The following PHLPP1 variants were observed in gnomAD, a reference collection of about 807,000 sequenced individuals.
PHLPP1 encodes the protein PH domain leucine-rich repeat-containing protein phosphatase 1.
In PHLPP1, 42 loss-of-function variants were observed where a neutral mutation model predicts 117.2. The ratio of observed to expected loss-of-function variants is 0.36; its 90% CI spans 0.28 to 0.46. PHLPP1 has a LOEUF of 0.46. PHLPP1 is among the 20% of genes least tolerant of loss of function. The pLI, the probability that PHLPP1 is intolerant of heterozygous loss-of-function variation, is 1.00. For synonymous variants in PHLPP1, 1,042 were observed against 970.7 expected (o/e 1.07, Z -1.37); for missense variants, 2,084 against 2,241.9 (o/e 0.93, Z 1.42).
intron 8 of PHLPP1, among the ~76,000 whole-genome samples, chr18:62,905,819 A>G (rs1420827503): frequency 1.3e-5 from 2 of 152,188 alleles, no homozygotes; most frequent in Middle Eastern, 3.2e-3. Context: ...TCCTTTTTGA[A>G]TATGCTAACT....
chr18:62,740,486 A>G (rs1449837533), intron 1 of PHLPP1, among the ~76,000 whole-genome samples: 1 of 152,248 alleles, frequency 6.6e-6, no homozygotes, highest in Non-Finnish European at 1.5e-5. Flanking sequence ...ATATGTAGAT[A>G]TAAACCAGAT....
intron 1 of PHLPP1, among the ~76,000 whole-genome samples, chr18:62,743,917 G>C (rs1420679503): frequency 6.6e-6 from 1 of 152,040 alleles, no homozygotes; most frequent in African/African-American, 2.4e-5. Context: ...ATGTTGATAG[G>C]CTTTTTAATT....
At chr18:62,855,998 A>G (rs973753880) in intron 3 of PHLPP1, among the ~76,000 whole-genome samples, 1 of 152,182 alleles carries the variant, frequency 6.6e-6, no homozygotes, top group Non-Finnish European at 1.5e-5. Context: ...GGAGCTTACA[A>G]TCTAGAGACA....
In PHLPP1 at chr18:62,793,446, T is replaced by G. The variant is rs138146632; in HGVS notation, c.1577-36589T>G. Among the ~76,000 whole-genome samples the G allele has an allele frequency of 1.4e-4, 21 of 152,364 alleles. 2 individuals carry two copies. In the East Asian group the frequency reaches 3.9e-3, roughly 28 times the overall value. On this transcript the variant is annotated intron_variant, in intron 1 of 16. Transcript: ENST00000262719. ...GCCAGATTTACCTGTTGATGGAACT[T>G]GATCTACTTATAGTTTAGCGCTGGC...
At chr18:62,863,845 A>G (rs988157103) in intron 4 of PHLPP1, among the ~76,000 whole-genome samples, 15 of 151,940 alleles carry the variant, frequency 9.9e-5, no homozygotes, top group African/African-American at 3.6e-4. Context: ...CTGACCTCCT[A>G]TTTCATCCTG....
intron 1 of PHLPP1, among the ~76,000 whole-genome samples, chr18:62,812,728 T>C (rs498339): frequency 4.6e-5 from 7 of 151,528 alleles, no homozygotes; most frequent in East Asian, 1.9e-4. Context: ...TTTTTTTTTT[T>C]CCTATGGAAA....
chr18:62,945,031 T>C, intron 11 of PHLPP1, 78 bp from the exon 12 acceptor site: 1 of 1,096,232 alleles, frequency 9.1e-7, no homozygotes, highest in South Asian at 1.8e-5. Context: ...ATCCTTAAAG[T>C]CATAGCAATT....
intron 1 of PHLPP1, among the ~76,000 whole-genome samples, chr18:62,736,009 A>G (rs1911359054): frequency 6.6e-6 from 1 of 152,148 alleles, no homozygotes; most frequent in Non-Finnish European, 1.5e-5. Context: ...CTTCACTTGT[A>G]TAAAATGGGT....
intron 15 of PHLPP1, among the ~76,000 whole-genome samples, chr18:62,973,184 A>G (rs762205674): frequency 2.2e-4 from 33 of 152,370 alleles, no homozygotes; most frequent in Middle Eastern, 3.4e-3. Flanking sequence ...TTTTAGCCCA[A>G]GAGTTAAATC....
At chr18:62,797,462 A>G (rs1395929382) in intron 1 of PHLPP1, among the ~76,000 whole-genome samples, 1 of 152,198 alleles carries the variant, frequency 6.6e-6, no homozygotes, top group East Asian at 1.9e-4. Context: ...ATAACACACT[A>G]TATGGTAGGT....
In PHLPP1 at chr18:62,766,076, A is replaced by AATATATATATATAT. The variant is rs60058262; in HGVS notation, c.1576+48831_1576+48844dup. Among the ~76,000 whole-genome samples the AATATATATATATAT allele has an allele frequency of 1.4e-3, 31 of 21,638 alleles. 1 individual carries two copies. The highest frequency in any genetic ancestry group is 3.3e-3 in the East Asian group (1 of 302). The allele number at this position is 21,638 out of a possible 152,430, so 14.2% of individuals were successfully genotyped here. Reference sequence around the variant, plus strand: ...ACTCCATCTCAAAAAAAAAAAAAAAAATATATATATATATATATATATATA... The same window carrying AATATATATATATAT: ...ACTCCATCTCAAAAAAAAAAAAAAAAATATATATATATATATATATATATATATATATATATATA... On this transcript the variant is annotated intron_variant, in intron 1 of 16. Coordinates refer to ENST00000262719, the MANE Select transcript of PHLPP1 (RefSeq NM_194449.4).
At chr18:62,972,961 C>T (rs1296271070) in intron 15 of PHLPP1, among the ~76,000 whole-genome samples, 1 of 152,166 alleles carries the variant, frequency 6.6e-6, no homozygotes, top group Non-Finnish European at 1.5e-5. Context: ...GAGAACTGGA[C>T]CTCACTGGCC....
chr18:62,852,565 G>A (rs1182145479), intron 3 of PHLPP1, among the ~76,000 whole-genome samples: 9 of 152,002 alleles, frequency 5.9e-5, no homozygotes, highest in African/African-American at 1.9e-4. Context: ...GGATGGTCTC[G>A]ATCTCCTGAC....
At chr18:62,815,761 T>C (rs1914254218) in intron 1 of PHLPP1, among the ~76,000 whole-genome samples, 1 of 152,232 alleles carries the variant, frequency 6.6e-6, no homozygotes, top group Admixed American at 6.5e-5. Context: ...GAAAGTGGAA[T>C]TAGGTGCTCT....
chr18:62,878,647 C>T (rs1364572875), intron 4 of PHLPP1, among the ~76,000 whole-genome samples: 1 of 152,154 alleles, frequency 6.6e-6, no homozygotes, highest in African/African-American at 2.4e-5. Flanking sequence ...AGGGCACACC[C>T]ATTCCTCCCT....
At position 62,838,896 on chromosome 18, in the gene PHLPP1, G is replaced by A. The variant is rs771107185; in HGVS notation, c.1886G>A (p.Arg629Gln). ...DTFTEYLRWLRQVSKVASQRI... is the reference protein window; with the variant it reads ...DTFTEYLRWLQQVSKVASQRI... ...TTCACAGAATACTTAAGGTGGCTGCGACAAGTCTCCAAGGTAAGCAAGCAC... is the reference window on the plus strand; with the variant it reads ...TTCACAGAATACTTAAGGTGGCTGCAACAAGTCTCCAAGGTAAGCAAGCAC... Residue 629 changes from arginine to glutamine, a missense_variant, in exon 3 of 17, where the codon CGA becomes CAA. Coordinates refer to ENST00000262719, the MANE Select transcript of PHLPP1 (RefSeq NM_194449.4). The A allele has an allele frequency of 6.8e-6, 11 of 1,613,780 alleles. No individual in the cohort carries two copies. Among genetic ancestry groups the A allele is most frequent in the South Asian group, 1.1e-5 (1 of 91,064 alleles).
intron 1 of PHLPP1, among the ~76,000 whole-genome samples, chr18:62,780,619 G>A (rs1599043829): frequency 6.6e-6 from 1 of 152,294 alleles, no homozygotes; most frequent in African/African-American, 2.4e-5. Context: ...TTAAAACATG[G>A]ATTGCTGCTC....
chr18:62,721,441 T>TGG (rs558983962), intron 1 of PHLPP1, among the ~76,000 whole-genome samples: 276 of 152,086 alleles, frequency 1.8e-3, no homozygotes, highest in African/African-American at 6.5e-3. Context: ...TGTGTGTGTG[T>TGG]GTGTGTGTGT....
At chr18:62,752,741 C>T (rs553374572) in intron 1 of PHLPP1, among the ~76,000 whole-genome samples, 1 of 152,302 alleles carries the variant, frequency 6.6e-6, no homozygotes, top group East Asian at 1.9e-4. Flanking sequence ...TTAGATTCCA[C>T]TCTTGTTACA....
Sources: allele counts gnomAD v4.1 joint callset (sites outside exome capture counted in the v4.1 genomes callset), GRCh38; gene constraint gnomAD v4.1.1; transcripts MANE v1.5; gene names NCBI Gene and HGNC (gene_info 2026-07-23, HGNC 2026-07-21).